TTC7A: variants seen among roughly 807,000 people sequenced by gnomAD.
TTC7A encodes tetratricopeptide repeat protein 7A.
Under a neutral mutation model 103.7 loss-of-function variants are expected in TTC7A, and 110 were observed. The observed-to-expected ratio is 1.06, with a 90% CI of 0.91 to 1.24. The LOEUF (loss-of-function observed/expected upper bound fraction) is 1.24. TTC7A is among the 50% of genes most tolerant of loss of function. The pLI, the probability that TTC7A is intolerant of heterozygous loss-of-function variation, is 0.00. For missense variants in TTC7A, 1,340 were observed against 1,116.3 expected (o/e 1.20, Z -2.86); for synonymous variants, 521 against 467.9 (o/e 1.11, Z -1.47).
At chr2:47,017,251 A>G (rs2104520574) in intron 11 of TTC7A, among the ~76,000 whole-genome samples, 1 of 149,130 alleles carries the variant, frequency 6.7e-6, no homozygotes, top group African/African-American at 2.5e-5. Flanking sequence ...GTGGTAGGTC[A>G]TGCCTATCAT....
intron 1 of TTC7A, among the ~76,000 whole-genome samples, chr2:46,949,551 C>A (rs1671226330): frequency 6.6e-6 from 1 of 152,142 alleles, no homozygotes; most frequent in South Asian, 2.1e-4. Context: ...AGTATAAAAC[C>A]ACCTACCAGG....
intron 18 of TTC7A, among the ~76,000 whole-genome samples, chr2:47,054,870 TAGA>T (rs952082060): frequency 4.0e-5 from 6 of 150,734 alleles, no homozygotes; most frequent in African/African-American, 1.5e-4. Context: ...TCTATCCTGC[TAGA>T]AGAAGGGGAG....
At chr2:47,036,061 T>A (rs188638122) in intron 15 of TTC7A, among the ~76,000 whole-genome samples, 1 of 152,328 alleles carries the variant, frequency 6.6e-6, no homozygotes, top group East Asian at 1.9e-4. Flanking sequence ...TGGTTTACAT[T>A]TAAGTCTTTC....
chr2:47,027,622 C>G (rs190514361), intron 14 of TTC7A, among the ~76,000 whole-genome samples: 3 of 152,362 alleles, frequency 2.0e-5, no homozygotes, highest in Admixed American at 6.5e-5. Flanking sequence ...GAACCCAGCT[C>G]TTGTGTATTC....
At chr2:46,991,525 A>T (rs1675632664) in intron 5 of TTC7A, among the ~76,000 whole-genome samples, 1 of 152,146 alleles carries the variant, frequency 6.6e-6, no homozygotes, top group African/African-American at 2.4e-5. Flanking sequence ...CTAGTGACAC[A>T]CAATGTGGTT....
rs537611844 is a variant in TTC7A, at chr2:47,007,636, G to T, written c.1287+912G>T. On this transcript the variant is annotated intron_variant, in intron 10 of 19. Coordinates refer to ENST00000319190, the MANE Select transcript of TTC7A (RefSeq NM_020458.4). This position sits in a 1 kb window ranked among gnomAD's most constrained non-coding sequence, Gnocchi z 4.9. ...AGTGCCTCCTCCACGCATCAAGGGC[G>T]TGCCAGCCAGCTCGGGGCCTCGGCA... is the stretch of plus-strand genomic sequence containing the variant. Among the ~76,000 whole-genome samples the T allele has an allele frequency of 3.5e-4, 54 of 152,284 alleles. No homozygotes were observed. Among genetic ancestry groups the T allele is most frequent in the African/African-American group, 1.3e-3 (53 of 41,572 alleles).
At chr2:46,998,112 G>A (rs1381151768) in intron 8 of TTC7A, among the ~76,000 whole-genome samples, 1 of 152,108 alleles carries the variant, frequency 6.6e-6, no homozygotes, top group African/African-American at 2.4e-5. Flanking sequence ...ATTCCCTGTG[G>A]CATAGGAAAC....
intron 8 of TTC7A, among the ~76,000 whole-genome samples, chr2:47,002,288 G>C (rs1676900640): frequency 6.6e-6 from 1 of 152,200 alleles, no homozygotes; most frequent in South Asian, 2.1e-4. Context: ...TGGGTGTGGG[G>C]GTTATGGCAG....
At chr2:46,973,552 C>T (rs1021012617) in intron 3 of TTC7A, among the ~76,000 whole-genome samples, 1 of 152,172 alleles carries the variant, frequency 6.6e-6, no homozygotes. Context: ...AAGAAAGAAG[C>T]CTGTACACAA....
chr2:46,993,620 G>GT, intron 6 of TTC7A, 92 bp downstream of exon 6: 1 of 1,180,216 alleles, frequency 8.5e-7, no homozygotes, highest in Non-Finnish European at 1.3e-6. Context: ...TGAAGCAGGG[G>GT]TGGCAGTAGG....
chr2:46,958,675 C>T (rs1264324828), intron 3 of TTC7A: 6 of 609,754 alleles, frequency 9.8e-6, no homozygotes, highest in Non-Finnish European at 1.5e-5. Context: ...TCCTCCCTGT[C>T]CTGCTGCAGT....
At chr2:47,018,695 A>AT (rs1678954876) in intron 11 of TTC7A, among the ~76,000 whole-genome samples, 3 of 152,020 alleles carry the variant, frequency 2.0e-5, no homozygotes, top group Middle Eastern at 3.4e-3. Flanking sequence ...AAATATATAG[A>AT]TATATAAATT....
At chr2:47,025,524 TCA>T (rs1195589675) in intron 14 of TTC7A, among the ~76,000 whole-genome samples, 3 of 152,168 alleles carry the variant, frequency 2.0e-5, no homozygotes, top group Non-Finnish European at 2.9e-5. Context: ...CCTCCTCTCG[TCA>T]CAGTTACTCT....
At chr2:46,988,478 C>G (rs1021112775) in intron 5 of TTC7A, among the ~76,000 whole-genome samples, 1 of 152,212 alleles carries the variant, frequency 6.6e-6, no homozygotes, top group Non-Finnish European at 1.5e-5. Flanking sequence ...GTTAGCAGTA[C>G]TGGCCCTGGA....
intron 15 of TTC7A, among the ~76,000 whole-genome samples, chr2:47,039,442 G>A (rs1484182482): frequency 6.6e-6 from 1 of 152,230 alleles, no homozygotes; most frequent in Non-Finnish European, 1.5e-5. Flanking sequence ...GACACAGGGA[G>A]GGTGAGGATT....
At chr2:46,949,194 G>T (rs1167946328) in intron 1 of TTC7A, among the ~76,000 whole-genome samples, 1 of 152,190 alleles carries the variant, frequency 6.6e-6, no homozygotes, top group Non-Finnish European at 1.5e-5. Context: ...CGAGTTTTCA[G>T]TGTGGTAAAG....
intron 1 of TTC7A, among the ~76,000 whole-genome samples, chr2:46,949,456 C>G (rs1671218445): frequency 6.6e-6 from 1 of 152,144 alleles, no homozygotes; most frequent in African/African-American, 2.4e-5. Context: ...TGGTCTCAAA[C>G]TCCTGACCTC....
intron 2 of TTC7A, among the ~76,000 whole-genome samples, chr2:46,932,557 A>C (rs1185929551): frequency 1.3e-5 from 2 of 152,134 alleles, no homozygotes; most frequent in Non-Finnish European, 2.9e-5. Flanking sequence ...AAATGTTTTT[A>C]AAAGAGAAGA....
At position 47,073,790 on chromosome 2, in the gene TTC7A, C is replaced by T. The variant is rs748142531; in HGVS notation, c.2444C>T (p.Ala815Val). The T allele has an allele frequency of 8.2e-5, 133 of 1,613,634 alleles. No homozygotes were observed. The highest frequency in any genetic ancestry group is 5.0e-5 in the Admixed American group (3 of 60,004). ...GAGAGGCAGAGTACGTGCCACGAGGCGTGGCAGGGCCTGGGCGAGGTGCTG... is the reference window on the plus strand; with the variant it reads ...GAGAGGCAGAGTACGTGCCACGAGGTGTGGCAGGGCCTGGGCGAGGTGCTG... The part of the protein sequence containing the change: ...AVERQSTCHE[A>V]WQGLGEVLQA... Residue 815 changes from alanine to valine, a missense_variant, in exon 20 of 20, where the codon GCG (alanine) becomes GTG (valine). Physicochemically the swap from Ala to Val is moderately conservative, Grantham distance 64 (BLOSUM62 0). Transcript: ENST00000319190.
Sources: gnomAD v4.1 joint callset for allele counts (sites outside exome capture counted in the v4.1 genomes callset) on GRCh38, gnomAD v4.1.1 for gene constraint, Gnocchi (gnomAD v3.1) non-coding constraint, MANE v1.5 for transcripts, NCBI Gene and HGNC (gene_info 2026-07-23, HGNC 2026-07-21) for gene names.